TTC31: variants seen among roughly 807,000 people sequenced by gnomAD.
TTC31 encodes the protein tetratricopeptide repeat domain 31, also known as tetratricopeptide repeat protein 31.
TTC31 carries 59 observed loss-of-function variants against 60.4 expected under a neutral mutation model. The ratio of observed to expected loss-of-function variants is 0.98; its 90% CI spans 0.79 to 1.21. The LOEUF (loss-of-function observed/expected upper bound fraction) is 1.21. Among genes scored for constraint, TTC31 ranks in the 50% most tolerant of loss-of-function variants. The pLI, the probability that TTC31 is intolerant of heterozygous loss-of-function variation, is 0.00. For missense variants in TTC31, 672 were observed against 646.9 expected (o/e 1.04, Z -0.42); for synonymous variants, 225 against 249.6 (o/e 0.90, Z 0.93).
Position 74,492,051 on chromosome 2 carries a change from G to A in TTC31, c.924G>A (p.Leu308=). Residue 308 remains leucine (L), a synonymous_variant, in exon 9 of 13, where the codon CTG becomes CTA. Coordinates refer to ENST00000233623, the MANE Select transcript of TTC31 (RefSeq NM_022492.6). ...LAAALQQSQE[L]AKLGTSFAQN... is the part of the protein sequence containing the mutation. ...CTGCCTTACAACAGAGCCAGGAACT[G>A]GCAAGTGAGATCCTTTCTCTCTCCG... The A allele has an allele frequency of 6.2e-7, 1 of 1,614,216 alleles. No individual in the cohort carries two copies. The highest frequency in any genetic ancestry group is 1.1e-5 in the South Asian group (1 of 91,084).
Position 74,492,393 on chromosome 2 carries a change from C to T in TTC31, c.1109C>T (p.Pro370Leu). Residue 370 changes from proline (P) to leucine (L), a missense_variant, in exon 11 of 13, where the codon CCT becomes CTT. Coordinates refer to ENST00000233623, the MANE Select transcript of TTC31 (RefSeq NM_022492.6). ...ADAQVALTLR[P>L]GWPRGLFRLG... Reference sequence around the variant, plus strand: ...GCCCAGGTGGCCCTTACCCTACGGCCTGGCTGGCCCCGGGGCCTCTTCCGC... The same window carrying T: ...GCCCAGGTGGCCCTTACCCTACGGCTTGGCTGGCCCCGGGGCCTCTTCCGC... The T allele has an allele frequency of 5.9e-6, 9 of 1,529,308 alleles. No homozygotes were observed. Among genetic ancestry groups the T allele is most frequent in the Non-Finnish European group, 7.9e-6 (9 of 1,139,224 alleles). The allele number at this position is 1,529,308 out of a possible 1,614,324, so 94.7% of individuals were successfully genotyped here. A position where few individuals can be genotyped will look rare whatever the true frequency, so the allele number is the denominator to read the frequency against.
chr2:74,483,507 G>A (rs1405877584), intron 2 of TTC31, 97 bp downstream of exon 2: 2 of 1,586,976 alleles, frequency 1.3e-6, no homozygotes, highest in Admixed American at 1.8e-5. Flanking sequence ...GGCGCCAGAC[G>A]GGGCTCTGGA....
chr2:74,491,877 G>A, intron 8 of TTC31, 127 bp from the exon 9 acceptor site: 1 of 1,508,256 alleles, frequency 6.6e-7, no homozygotes. Flanking sequence ...ATACCATCTT[G>A]TAGGGCTGTC....
intron 5 of TTC31, 84 bp downstream of exon 5, chr2:74,490,823 A>C: frequency 7.2e-7 from 1 of 1,394,978 alleles, no homozygotes; most frequent in South Asian, 1.3e-5. Flanking sequence ...AACAGGAGAG[A>C]GCTCAAGATG....
chr2:74,483,567 A>G, intron 2 of TTC31, 157 bp downstream of exon 2: 1 of 1,500,614 alleles, frequency 6.7e-7, no homozygotes, highest in Non-Finnish European at 8.9e-7. Flanking sequence ...ATCTTAGGCA[A>G]GTGAGGGGCA....
At chr2:74,489,938 G>A in intron 2 of TTC31, 87 bp from the exon 3 acceptor site, 1 of 949,076 alleles carries the variant, frequency 1.1e-6, no homozygotes. Flanking sequence ...TGGCTGCCAT[G>A]GTGGAGAGAT....
chr2:74,483,643 TC>T, intron 2 of TTC31: 2 of 1,370,840 alleles, frequency 1.5e-6, no homozygotes, highest in Non-Finnish European at 1.9e-6. Flanking sequence ...CAGACAAGGG[TC>T]TCTGAGTTGA....
rs763885492 is a variant in TTC31 at position 74,493,020 on chromosome 2, C to T, written c.1362C>T (p.Leu454=). ...AELAPSGLPS[L]RCPRSTALRS... is the part of the protein sequence containing the mutation. ...TGGCACCCTCAGGCCTACCTTCCCT[C>T]AGGTGCCCTCGAAGCACTGCTTTGA... Residue 454 remains leucine, a synonymous_variant, in exon 13 of 13, where the codon CTC becomes CTT. Coordinates refer to ENST00000233623, the MANE Select transcript of TTC31 (RefSeq NM_022492.6). The T allele has an allele frequency of 6.2e-7, 1 of 1,614,204 alleles. No homozygotes were observed. The highest frequency in any genetic ancestry group is 1.1e-5 in the South Asian group (1 of 91,086).
intron 2 of TTC31, 92 bp downstream of exon 2, chr2:74,483,502 C>T (rs2104052490): frequency 1.3e-6 from 2 of 1,593,174 alleles, no homozygotes; most frequent in Non-Finnish European, 1.7e-6. Flanking sequence ...GGATGGGCGC[C>T]AGACGGGGCT....
rs1487215127 is a variant in TTC31, at chr2:74,491,105, C to T, written c.547-23C>T. 1.9e-6 allele frequency: 3 copies of T among 1,613,986 alleles called. No individual in the cohort carries two copies. The Admixed American group carries it at 5.0e-5, about 27-fold the overall frequency. ...CATACAGTAAGTGTTCAAAATACAT[C>T]ATTGTTACCATTACTATTGCAGCGT... On this transcript the variant is annotated intron_variant, in intron 5 of 12. Coordinates refer to ENST00000233623, the MANE Select transcript of TTC31 (RefSeq NM_022492.6).
At chr2:74,485,117 C>T (rs1199900425) in intron 2 of TTC31, among the ~76,000 whole-genome samples, 1 of 150,994 alleles carries the variant, frequency 6.6e-6, no homozygotes, top group Non-Finnish European at 1.5e-5. Flanking sequence ...ACCTCCTCCT[C>T]CCGGATTCAG....
chr2:74,484,915 A>G (rs368333281), intron 2 of TTC31, among the ~76,000 whole-genome samples: 5 of 151,668 alleles, frequency 3.3e-5, no homozygotes, highest in African/African-American at 4.8e-5. Context: ...TCTAATCCCA[A>G]TTTTGGTTAA....
intron 7 of TTC31, 25 bp downstream of exon 7, chr2:74,491,400 T>G: frequency 1.2e-6 from 2 of 1,614,192 alleles, no homozygotes; most frequent in Non-Finnish European, 1.7e-6. Context: ...TTTCCCTTCT[T>G]GGTCTCTGCT....
chr2:74,492,641 C>G lies in TTC31; in HGVS notation c.1162-5C>G, dbSNP rs540022749. ...CTTTTCTTTCTGATCCCTCTGGGACCAAAGCGCTTCAGAGAGGCAGCTGCT... is the reference window on the plus strand; with the variant it reads ...CTTTTCTTTCTGATCCCTCTGGGACGAAAGCGCTTCAGAGAGGCAGCTGCT... On this transcript the variant is annotated splice_region_variant and splice_polypyrimidine_tract_variant and intron_variant, in intron 11 of 12. Coordinates refer to ENST00000233623, the MANE Select transcript of TTC31 (RefSeq NM_022492.6). The G allele has an allele frequency of 2.5e-6, 4 of 1,614,126 alleles. No individual in the cohort carries two copies. Among genetic ancestry groups the G allele is most frequent in the African/African-American group, 2.7e-5 (2 of 75,056 alleles).
intron 2 of TTC31, 33 bp from the exon 3 acceptor site, chr2:74,489,992 A>G (rs1572959163): frequency 6.8e-7 from 1 of 1,466,802 alleles, no homozygotes; most frequent in African/African-American, 1.4e-5. Flanking sequence ...TGCCCCCAAC[A>G]CCAGCCTCCC....
At chr2:74,483,194 T>C in intron 1 of TTC31, 59 bp downstream of exon 1, 4 of 1,613,652 alleles carry the variant, frequency 2.5e-6, no homozygotes, top group Non-Finnish European at 3.4e-6. Flanking sequence ...CCCTCTTGGG[T>C]CCACCTGTGG....
rs1410956653 is a variant in TTC31 at position 74,492,928 on chromosome 2, C to G, written c.1270C>G (p.Gln424Glu). The G allele has an allele frequency of 6.2e-7, 1 of 1,603,324 alleles. No individual in the cohort carries two copies. The highest frequency in any genetic ancestry group is 2.2e-5 in the East Asian group (1 of 44,650). The change falls in exon 13 of 13, where the codon CAG becomes GAG. Residue 424 changes from glutamine (Q) to glutamate (E), a missense_variant. Transcript: ENST00000233623. ...CTTCTCTCTCCCTTCTCAGCAGGGT[C>G]AGCGAGGAGGAATCTGTGCACCACC... ...SCLLHLTLQGQRGGICAPPLS... is the reference protein window; with the variant it reads ...SCLLHLTLQGERGGICAPPLS...
intron 5 of TTC31, 187 bp from the exon 6 acceptor site, chr2:74,490,941 G>A (rs1673791209): frequency 1.1e-6 from 1 of 912,504 alleles, no homozygotes; most frequent in African/African-American, 1.7e-5. Context: ...TGCTGCCTAG[G>A]TAGGAATCTG....
rs770812364 is a variant in TTC31, at chr2:74,493,228, G to C, written c.*10G>C. On this transcript the variant is annotated 3_prime_UTR_variant, in exon 13 of 13. Transcript: ENST00000233623. ...GTCTCAGGCCAGATGAGGGGGCACCGGTCCCTCATAGGGCAGGGCCATGTA... is the reference window on the plus strand; with the variant it reads ...GTCTCAGGCCAGATGAGGGGGCACCCGTCCCTCATAGGGCAGGGCCATGTA... The C allele has an allele frequency of 1.9e-6, 3 of 1,613,758 alleles. No individual in the cohort carries two copies. Among genetic ancestry groups the C allele is most frequent in the East Asian group, 4.5e-5 (2 of 44,878 alleles).
Sources: gnomAD v4.1 joint callset for allele counts (sites outside exome capture counted in the v4.1 genomes callset) on GRCh38, gnomAD v4.1.1 for gene constraint, MANE v1.5 for transcripts, NCBI Gene and HGNC (gene_info 2026-07-23, HGNC 2026-07-21) for gene names.